TRIM54: variants seen among roughly 807,000 people sequenced by gnomAD.
TRIM54 encodes the protein tripartite motif-containing protein 54.
In TRIM54, 40 loss-of-function variants were observed where a neutral mutation model predicts 42.0. The ratio of observed to expected loss-of-function variants is 0.95; its 90% CI spans 0.74 to 1.24. The LOEUF (loss-of-function observed/expected upper bound fraction) is 1.24, where lower values mean the gene tolerates loss of function less well. Among genes scored for constraint, TRIM54 ranks in the 50% most tolerant of loss-of-function variants. The pLI, the probability that TRIM54 is intolerant of heterozygous loss-of-function variation, is 0.00. For synonymous variants in TRIM54, 199 were observed against 194.9 expected (o/e 1.02, Z -0.17); for missense variants, 485 against 480.3 (o/e 1.01, Z -0.09).
rs780108367 is a variant in TRIM54, at chr2:27,305,039, G to T, written c.594G>T (p.Val198=). 1 of 1,614,002 alleles carries T rather than the reference G, an allele frequency of 6.2e-7. No homozygotes were observed. ...VQAVITQMEE[V]CQTIEDNSRR... is the part of the protein sequence containing the mutation. Reference sequence around the variant, plus strand: ...CAGTGATCACACAGATGGAGGAGGTGTGCCAGACTATCGAGGTGAGCCTGG... The same window carrying T: ...CAGTGATCACACAGATGGAGGAGGTTTGCCAGACTATCGAGGTGAGCCTGG... The change falls in exon 4 of 9, where the codon GTG becomes GTT. Residue 198 remains valine (V), a synonymous_variant. Coordinates refer to ENST00000380075, the MANE Select transcript of TRIM54 (RefSeq NM_187841.3).
At chr2:27,304,852 G>A (rs1279307177) in intron 3 of TRIM54, 107 bp from the exon 4 acceptor site, 13 of 823,612 alleles carry the variant, frequency 1.6e-5, no homozygotes, top group Non-Finnish European at 2.6e-5. Flanking sequence ...GCCCTTATGG[G>A]GGGTGAGGTG....
intron 3 of TRIM54, among the ~76,000 whole-genome samples, chr2:27,302,747 C>T (rs547167634): frequency 6.8e-4 from 103 of 151,762 alleles, no homozygotes; most frequent in Admixed American, 1.3e-3. Flanking sequence ...GCTGAGATTG[C>T]GCCATTGCAC....
intron 3 of TRIM54, 200 bp downstream of exon 3, chr2:27,299,616 T>G (rs1182181556): frequency 4.4e-6 from 5 of 1,138,328 alleles, no homozygotes; most frequent in Non-Finnish European, 6.3e-6. Context: ...GCTCAAGTGA[T>G]CCTCCCATCT....
intron 1 of TRIM54, among the ~76,000 whole-genome samples, chr2:27,294,435 T>C (rs1171534891): frequency 1.3e-5 from 2 of 152,194 alleles, no homozygotes; most frequent in East Asian, 1.9e-4. Flanking sequence ...CTAAGTTTTA[T>C]TGTGTCTGAC....
chr2:27,289,862 T>C lies in TRIM54; in HGVS notation c.168+6963T>C, dbSNP rs1239797084. ...TGAGACACTATCTCTCTCTTTCTCT[T>C]TTTTTTTTTTTTTTTTTTTTTTTTT... On this transcript the variant is annotated intron_variant, in intron 1 of 8. Coordinates refer to ENST00000380075, the MANE Select transcript of TRIM54 (RefSeq NM_187841.3). Among the ~76,000 whole-genome samples, 825 of 112,162 alleles carry C rather than the reference T, an allele frequency of 7.4e-3. 5 individuals carry two copies. The highest frequency in any genetic ancestry group is 0.014 in the African/African-American group (328 of 23,992). 73.6% of individuals were successfully genotyped at this position (112,162 alleles called of 152,430 possible). A position where few individuals can be genotyped will look rare whatever the true frequency, so the allele number is the denominator to read the frequency against.
chr2:27,297,980 C>CAAA (rs60106105), intron 1 of TRIM54, among the ~76,000 whole-genome samples: 14,372 of 56,570 alleles, frequency 0.25, 1,204 homozygotes, highest in Admixed American at 0.33. Context: ...GAACCTGTCT[C>CAAA]AAAAAAAAAA....
rs1489390353 is a variant in TRIM54 at position 27,307,408 on chromosome 2, A to G, written c.*523A>G. On this transcript the variant is annotated 3_prime_UTR_variant, in exon 9 of 9. Coordinates refer to ENST00000380075, the MANE Select transcript of TRIM54 (RefSeq NM_187841.3). The surrounding 1 kb of genome is among the most constrained non-coding windows in gnomAD (Gnocchi z 6.9). ...CTACGACAAAAGCCAACGGGTCTTCAGTACTTTTATTAAAAAATAGTCACG... is the reference window on the plus strand; with the variant it reads ...CTACGACAAAAGCCAACGGGTCTTCGGTACTTTTATTAAAAAATAGTCACG... 8 of 1,485,970 alleles carry G rather than the reference A, an allele frequency of 5.4e-6. No individual in the cohort carries two copies. The Admixed American group carries it at 6.3e-5, about 12-fold the overall frequency. 92.0% of individuals were successfully genotyped at this position (1,485,970 alleles called of 1,614,324 possible).
chr2:27,283,666 T>G (rs1257621731), intron 1 of TRIM54, among the ~76,000 whole-genome samples: 2 of 151,166 alleles, frequency 1.3e-5, no homozygotes, highest in South Asian at 4.2e-4. Flanking sequence ...TATACCAGAA[T>G]GGATTATAAG....
chr2:27,291,868 T>G (rs2148192592), intron 1 of TRIM54, among the ~76,000 whole-genome samples: 1 of 152,148 alleles, frequency 6.6e-6, no homozygotes, highest in East Asian at 1.9e-4. Context: ...ACTCTGGGAC[T>G]GGGGGATGAA....
In TRIM54 at chr2:27,299,236, C is replaced by A. The variant is rs1452184049; in HGVS notation, c.342-9C>A. 13 of 1,613,442 alleles carry A rather than the reference C, an allele frequency of 8.1e-6. No individual in the cohort carries two copies. The highest frequency in any genetic ancestry group is 7.7e-5 in the South Asian group (7 of 91,074). On this transcript the variant is annotated splice_polypyrimidine_tract_variant and intron_variant, in intron 2 of 8. Coordinates refer to ENST00000380075, the MANE Select transcript of TRIM54 (RefSeq NM_187841.3). ...TAAGGTCCACCTCCCCCTGCCCACT[C>A]CTCTCTAGGCCGCTGCACTCCAAGG...
intron 2 of TRIM54, 117 bp downstream of exon 2, chr2:27,298,856 C>A: frequency 8.7e-7 from 1 of 1,145,554 alleles, no homozygotes; most frequent in Non-Finnish European, 1.2e-6. Flanking sequence ...TGTCTAGAGA[C>A]CATAGGACTG....
At chr2:27,288,424 A>G (rs1294510553) in intron 1 of TRIM54, among the ~76,000 whole-genome samples, 1 of 152,250 alleles carries the variant, frequency 6.6e-6, no homozygotes, top group East Asian at 1.9e-4. Flanking sequence ...ATGGAACATT[A>G]CAAAGGAAAT....
intron 1 of TRIM54, among the ~76,000 whole-genome samples, chr2:27,286,429 C>T (rs1342701645): frequency 6.6e-6 from 1 of 152,150 alleles, no homozygotes; most frequent in Non-Finnish European, 1.5e-5. Context: ...CCTCTAATTT[C>T]TTCCTCCTTC....
intron 1 of TRIM54, among the ~76,000 whole-genome samples, chr2:27,293,355 G>A (rs1678771972): frequency 6.6e-6 from 1 of 152,096 alleles, no homozygotes; most frequent in Non-Finnish European, 1.5e-5. Context: ...TGAATAGAGG[G>A]GTATGACCTG....
At position 27,298,680 on chromosome 2, in the gene TRIM54, C is replaced by T. The variant is rs555876926; in HGVS notation, c.282C>T (p.Gly94=). ...TCCTGGACAGACACGGTGTCTACGG[C>T]CTGCAGCGAAACCTGCTAGTGGAGA... ...EVVLDRHGVY[G]LQRNLLVENI... The change falls in exon 2 of 9, where the codon GGC becomes GGT. Residue 94 remains glycine (G), a synonymous_variant. Coordinates refer to ENST00000380075, the MANE Select transcript of TRIM54 (RefSeq NM_187841.3). 142 of 1,614,176 alleles carry T rather than the reference C, an allele frequency of 8.8e-5. 1 individual carries two copies. The South Asian group carries it at 1.4e-3, about 16-fold the overall frequency.
At position 27,283,764 on chromosome 2, in the gene TRIM54, G is replaced by GCACACACGCATGCGCGCGCGCGCGCA. The variant is rs1558580798; in HGVS notation, c.168+872_168+873insGCATGCGCGCGCGCGCGCACACACAC. Among the ~76,000 whole-genome samples, 3 of 117,862 alleles carry GCACACACGCATGCGCGCGCGCGCGCA rather than the reference G, an allele frequency of 2.5e-5. No homozygotes were observed. In the Admixed American group the frequency reaches 2.7e-4, roughly 11 times the overall value. 77.3% of individuals were successfully genotyped at this position (117,862 alleles called of 152,430 possible). A position where few individuals can be genotyped will look rare whatever the true frequency, so the allele number is the denominator to read the frequency against. On this transcript the variant is annotated intron_variant, in intron 1 of 8. Coordinates refer to ENST00000380075, the MANE Select transcript of TRIM54 (RefSeq NM_187841.3). ...AGATCAGGGAGAGTGAGGGGCAAAG[G>GCACACACGCATGCGCGCGCGCGCGCA]CACACACACACACACGCGCGCACAC...
chr2:27,291,723 G>A (rs1380903686), intron 1 of TRIM54, among the ~76,000 whole-genome samples: 1 of 152,174 alleles, frequency 6.6e-6, no homozygotes, highest in African/African-American at 2.4e-5. Flanking sequence ...AAGGAAGTGG[G>A]GTTAGGATTT....
In TRIM54 at chr2:27,307,139, C is replaced by T. The variant is rs1036086833; in HGVS notation, c.*254C>T. The T allele has an allele frequency of 3.0e-5, 9 of 297,354 alleles. No homozygotes were observed. The South Asian group carries it at 3.4e-4, about 11-fold the overall frequency. 18.4% of individuals were successfully genotyped at this position (297,354 alleles called of 1,614,324 possible). On this transcript the variant is annotated 3_prime_UTR_variant, in exon 9 of 9. Transcript: ENST00000380075. The surrounding 1 kb of genome is among the most constrained non-coding windows in gnomAD (Gnocchi z 6.9). ...GGAAGCCAAATGAACCCCTATTGGG[C>T]ACCTCTGTGATGCCAGGAGCGAACT... is the stretch of plus-strand genomic sequence containing the variant.
At chr2:27,305,994 C>G in intron 5 of TRIM54, 86 bp from the exon 6 acceptor site, 1 of 1,560,534 alleles carries the variant, frequency 6.4e-7, no homozygotes, top group Non-Finnish European at 8.7e-7. Context: ...TCCCACCTAC[C>G]CCGCAGGACT....
Sources: gnomAD v4.1 joint callset for allele counts (sites outside exome capture counted in the v4.1 genomes callset) on GRCh38, gnomAD v4.1.1 for gene constraint, Gnocchi (gnomAD v3.1) non-coding constraint, MANE v1.5 for transcripts, NCBI Gene and HGNC (gene_info 2026-07-23, HGNC 2026-07-21) for gene names.